The following NRXN1 variants were observed in gnomAD, a reference collection of about 807,000 sequenced individuals.
The protein encoded by NRXN1 is neurexin-1.
In NRXN1, 39 loss-of-function variants were observed where a neutral mutation model predicts 150.9. That is an observed-to-expected ratio of 0.26 (90% CI 0.20 to 0.34). The LOEUF is 0.34. Ranked by LOEUF, NRXN1 falls within the 10% of genes least tolerant of loss-of-function variation. The pLI, the probability that NRXN1 is intolerant of heterozygous loss-of-function variation, is 1.00. For missense variants in NRXN1, 1,815 were observed against 1,949.9 expected, an observed-to-expected ratio of 0.93 and a Z score of 1.30; for synonymous variants, 924 against 757.0, an observed-to-expected ratio of 1.22 and a Z score of -3.62.
At chr2:50,192,983 G>A (rs2152824624) in intron 18 of NRXN1, among the ~76,000 whole-genome samples, 1 of 152,232 alleles carries the variant, frequency 6.6e-6, no homozygotes, top group East Asian at 1.9e-4. Context: ...CTACTGTTGT[G>A]TATATTACTC....
intron 18 of NRXN1, among the ~76,000 whole-genome samples, chr2:50,224,954 G>C (rs746915698): frequency 6.6e-6 from 1 of 151,978 alleles, no homozygotes; most frequent in Non-Finnish European, 1.5e-5. Flanking sequence ...CCTAGACTCA[G>C]AGAAATGATC....
intron 21 of NRXN1, among the ~76,000 whole-genome samples, chr2:49,972,031 A>G (rs1678048848): frequency 6.6e-6 from 1 of 152,188 alleles, no homozygotes; most frequent in African/African-American, 2.4e-5. Context: ...GGGCAACCCA[A>G]AAGATTGCAT....
chr2:50,451,773 T>C (rs574432014), intron 17 of NRXN1, among the ~76,000 whole-genome samples: 135 of 152,324 alleles, frequency 8.9e-4, no homozygotes, highest in Middle Eastern at 3.4e-3. Flanking sequence ...AACACAGGCA[T>C]ACATCTTAAG....
At chr2:50,073,147 G>A (rs1379485940) in intron 19 of NRXN1, among the ~76,000 whole-genome samples, 1 of 152,108 alleles carries the variant, frequency 6.6e-6, no homozygotes, top group Admixed American at 6.6e-5. Context: ...AGTAAGCAAT[G>A]CCTGGACTGT....
In NRXN1 at chr2:50,031,022, A is replaced by C. The variant is rs897510017; in HGVS notation, c.4128+22249T>G. Among the ~76,000 whole-genome samples, 3 of 152,074 alleles carry C rather than the reference A, an allele frequency of 2.0e-5. No individual in the cohort carries two copies. The East Asian group carries it at 5.8e-4, about 29-fold the overall frequency. On this transcript the variant is annotated intron_variant, in intron 21 of 22. Transcript: ENST00000401669. ...GGGGACAAAAAAGGGTTCCTGGCTCATAATTTTAAAGCACTACCCACAGTG... is the reference window on the plus strand; with the variant it reads ...GGGGACAAAAAAGGGTTCCTGGCTCCTAATTTTAAAGCACTACCCACAGTG...
At chr2:50,278,664 C>A (rs1004161414) in intron 17 of NRXN1, among the ~76,000 whole-genome samples, 1 of 151,920 alleles carries the variant, frequency 6.6e-6, no homozygotes, top group African/African-American at 2.4e-5. Context: ...TCTACAAAAG[C>A]ATCAAAACTG....
At chr2:50,866,061 A>C (rs1202485602) in intron 5 of NRXN1, among the ~76,000 whole-genome samples, 1 of 151,800 alleles carries the variant, frequency 6.6e-6, no homozygotes, top group African/African-American at 2.4e-5. Context: ...CCATTTGGCC[A>C]AATTGGTCTG....
At chr2:51,021,557 T>C (rs902118840) in intron 2 of NRXN1, among the ~76,000 whole-genome samples, 41 of 151,894 alleles carry the variant, frequency 2.7e-4, no homozygotes, top group Non-Finnish European at 7.4e-5. Context: ...TATACATATA[T>C]ATATATATAC....
At chr2:50,917,672 A>C (rs1272688261) in intron 5 of NRXN1, 1 of 151,686 alleles carries the variant, frequency 6.6e-6, no homozygotes, top group Admixed American at 6.6e-5. Flanking sequence ...AAGTGAGGAC[A>C]CAAAGAGAAG....
At chr2:50,496,617 G>GCTTTT (rs1234972934) in intron 14 of NRXN1, among the ~76,000 whole-genome samples, 3 of 152,074 alleles carry the variant, frequency 2.0e-5, no homozygotes, top group Non-Finnish European at 4.4e-5. Flanking sequence ...ATGTCACAGT[G>GCTTTT]CTTTTCTTTT....
intron 2 of NRXN1, among the ~76,000 whole-genome samples, chr2:50,944,711 C>G (rs1690049152): frequency 6.6e-6 from 1 of 152,096 alleles, no homozygotes. Context: ...TTAGGAAATT[C>G]ATGAGTCAAA....
At chr2:49,975,113 A>G (rs1357715365) in intron 21 of NRXN1, among the ~76,000 whole-genome samples, 6 of 150,262 alleles carry the variant, frequency 4.0e-5, no homozygotes, top group Non-Finnish European at 8.9e-5. Context: ...TATACATACA[A>G]TTATATATTA....
chr2:50,384,963 C>T (rs1302059343), intron 17 of NRXN1, among the ~76,000 whole-genome samples: 1 of 152,138 alleles, frequency 6.6e-6, no homozygotes, highest in Non-Finnish European at 1.5e-5. Context: ...GAGCCACCTC[C>T]TAACTTCAGA....
chr2:50,312,635 G>C (rs1194775917), intron 17 of NRXN1: 5 of 461,590 alleles, frequency 1.1e-5, no homozygotes, highest in African/African-American at 4.0e-5. Flanking sequence ...TTAAACCTGA[G>C]GTATGTTTTG....
At chr2:50,638,742 A>C (rs1683601577) in intron 5 of NRXN1, among the ~76,000 whole-genome samples, 2 of 152,168 alleles carry the variant, frequency 1.3e-5, no homozygotes, top group Admixed American at 6.5e-5. Context: ...TTTCCTTGAC[A>C]GTATATGGCA....
chr2:50,256,031 T>C (rs1404882675), intron 17 of NRXN1, among the ~76,000 whole-genome samples: 2 of 152,192 alleles, frequency 1.3e-5, no homozygotes, highest in African/African-American at 2.4e-5. Context: ...TAACGCTGTC[T>C]AAAAGCTACA....
chr2:50,770,359 G>T (rs576217345), intron 5 of NRXN1, among the ~76,000 whole-genome samples: 106 of 151,658 alleles, frequency 7.0e-4, no homozygotes, highest in African/African-American at 2.6e-3. Flanking sequence ...ATGATAGATA[G>T]ATTTTTTCCC....
chr2:49,934,548 C>A (rs1311795195), intron 22 of NRXN1, among the ~76,000 whole-genome samples: 1 of 152,140 alleles, frequency 6.6e-6, no homozygotes, highest in Non-Finnish European at 1.5e-5. Context: ...AGATCAGATT[C>A]TTTTTGGTGA....
At chr2:50,288,312 T>C (rs568363340) in intron 17 of NRXN1, among the ~76,000 whole-genome samples, 4 of 152,140 alleles carry the variant, frequency 2.6e-5, no homozygotes, top group South Asian at 4.1e-4. Context: ...TAGCATCTAG[T>C]AGGTAAAGGC....
Sources: gnomAD v4.1 joint callset for allele counts (sites outside exome capture counted in the v4.1 genomes callset) on GRCh38, gnomAD v4.1.1 for gene constraint, MANE v1.5 for transcripts, NCBI Gene and HGNC (gene_info 2026-07-23, HGNC 2026-07-21) for gene names.